OIP5: variants seen among roughly 807,000 people sequenced by gnomAD.
The protein encoded by OIP5 is Opa interacting protein 5, also known as protein Mis18-beta.
In OIP5, 24 loss-of-function variants were observed where a neutral mutation model predicts 20.3. That is an observed-to-expected ratio of 1.18 (90% CI 0.86 to 1.66). The LOEUF is 1.66. Ranked by LOEUF, OIP5 falls within the 40% of genes most tolerant of loss-of-function variation. OIP5 has a pLI of 0.00. For synonymous variants in OIP5, 143 were observed against 121.3 expected, an observed-to-expected ratio of 1.18 and a Z score of -1.17; for missense variants, 339 against 289.5, an observed-to-expected ratio of 1.17 and a Z score of -1.24.
intron 2 of OIP5, among the ~76,000 whole-genome samples, chr15:41,331,364 T>C (rs202149836): frequency 1.3e-5 from 2 of 152,300 alleles, no homozygotes; most frequent in East Asian, 3.9e-4. Context: ...AAACTAACCA[T>C]AATCGCAAAC....
rs113408274 is a variant in OIP5 at position 41,314,635 on chromosome 15, CT to C, written c.513-1282del. ...TGGGCAACATAGCGAAACTCCATCT[CT>C]TTTTTTTTTTTTTGAGACAGAGTCT... On this transcript the variant is annotated intron_variant, in intron 3 of 4. Transcript: ENST00000220514. Among the ~76,000 whole-genome samples, 1,169 of 140,008 alleles carry C rather than the reference CT, an allele frequency of 8.3e-3. 14 individuals carry two copies. Among genetic ancestry groups the C allele is most frequent in the African/African-American group, 0.023 (874 of 38,544 alleles). 91.9% of individuals were successfully genotyped at this position (140,008 alleles called of 152,430 possible).
chr15:41,319,827 T>C, intron 2 of OIP5, 47 bp from the exon 3 acceptor site: 1 of 1,511,904 alleles, frequency 6.6e-7, no homozygotes, highest in African/African-American at 1.4e-5. Flanking sequence ...AAAAATCATA[T>C]AAGAAATAAA....
At chr15:41,330,504 C>G (rs1202998619) in intron 2 of OIP5, among the ~76,000 whole-genome samples, 2 of 151,104 alleles carry the variant, frequency 1.3e-5, no homozygotes, top group African/African-American at 4.9e-5. Flanking sequence ...CCCGGGTTCA[C>G]GCCATTCTCC....
At chr15:41,326,887 G>A (rs1175266216) in intron 2 of OIP5, among the ~76,000 whole-genome samples, 1 of 152,002 alleles carries the variant, frequency 6.6e-6, no homozygotes, top group African/African-American at 2.4e-5. Context: ...TATTATAGGA[G>A]GAAAATACTT....
intron 3 of OIP5, among the ~76,000 whole-genome samples, chr15:41,317,759 A>C (rs1595500204): frequency 6.6e-6 from 1 of 152,192 alleles, no homozygotes; most frequent in East Asian, 1.9e-4. Context: ...GCTCACTGTA[A>C]CCTTGAACTC....
At chr15:41,316,076 C>T (rs974166771) in intron 3 of OIP5, among the ~76,000 whole-genome samples, 1 of 151,736 alleles carries the variant, frequency 6.6e-6, no homozygotes, top group Non-Finnish European at 1.5e-5. Context: ...TGCAGTGAGC[C>T]GAGATGGTGC....
At chr15:41,325,916 C>T (rs1010879682) in intron 2 of OIP5, among the ~76,000 whole-genome samples, 3 of 151,626 alleles carry the variant, frequency 2.0e-5, no homozygotes, top group Non-Finnish European at 4.4e-5. Context: ...AATCCCAGCA[C>T]TCTGGAAGGC....
chr15:41,318,432 G>C (rs1460588647), intron 3 of OIP5, among the ~76,000 whole-genome samples: 2 of 152,060 alleles, frequency 1.3e-5, no homozygotes, highest in Non-Finnish European at 2.9e-5. Flanking sequence ...AAAGTGCTGG[G>C]ATTACAGGCG....
At chr15:41,315,593 C>T (rs529594337) in intron 3 of OIP5, among the ~76,000 whole-genome samples, 12 of 152,246 alleles carry the variant, frequency 7.9e-5, no homozygotes, top group African/African-American at 2.9e-4. Context: ...AAAGTTTCTA[C>T]TTAATCAAAA....
At chr15:41,312,174 T>G (rs1257919296) in intron 4 of OIP5, among the ~76,000 whole-genome samples, 1 of 103,106 alleles carries the variant, frequency 9.7e-6, no homozygotes, top group African/African-American at 2.7e-5. Context: ...CTTTTTTTTT[T>G]TTTTGAGACA....
At chr15:41,313,539 A>C (rs1001245490) in intron 3 of OIP5, among the ~76,000 whole-genome samples, 185 bp from the exon 4 acceptor site, 3 of 152,268 alleles carry the variant, frequency 2.0e-5, no homozygotes, top group African/African-American at 4.8e-5. Context: ...GGATTCAAAC[A>C]ACCACAGACT....
At chr15:41,310,019 G>A (rs1352277472) in intron 4 of OIP5, among the ~76,000 whole-genome samples, 170 bp from the exon 5 acceptor site, 1 of 152,144 alleles carries the variant, frequency 6.6e-6, no homozygotes, top group Non-Finnish European at 1.5e-5. Context: ...CTCCTGATTA[G>A]CTAGGACTAC....
At chr15:41,321,928 T>G (rs28499079) in intron 2 of OIP5, among the ~76,000 whole-genome samples, 1 of 60,862 alleles carries the variant, frequency 1.6e-5, no homozygotes, top group Non-Finnish European at 3.3e-5. Flanking sequence ...AATAAAAAAA[T>G]AAATAAATAA....
chr15:41,311,158 G>A (rs2047751368), intron 4 of OIP5, among the ~76,000 whole-genome samples: 3 of 152,224 alleles, frequency 2.0e-5, no homozygotes, highest in Middle Eastern at 3.4e-3. Context: ...ACCTGAGCTC[G>A]GAAGTTCGAG....
At chr15:41,331,462 T>C (rs371048082) in intron 2 of OIP5, among the ~76,000 whole-genome samples, 2 of 152,172 alleles carry the variant, frequency 1.3e-5, no homozygotes, top group Non-Finnish European at 2.9e-5. Flanking sequence ...TGTGTGCCTG[T>C]AGTCCCAGCT....
intron 2 of OIP5, among the ~76,000 whole-genome samples, chr15:41,327,627 A>T (rs1438563578): frequency 6.6e-6 from 1 of 151,868 alleles, no homozygotes; most frequent in Non-Finnish European, 1.5e-5. Flanking sequence ...GTCTCTACTA[A>T]AATACATAAA....
Position 41,319,681 on chromosome 15 carries a change from G to A in OIP5, c.489C>T (p.Cys163=). The part of the protein sequence containing the change: ...AALAALRGHF[C]LSSDKMVCYL... ...ACCACACCATTTTGTCACTGGAAAG[G>A]CAGAAGTGACCTCTCAAGGCAGCCA... The change falls in exon 3 of 5, where the codon TGC becomes TGT. Residue 163 remains cysteine, a synonymous_variant. Coordinates refer to ENST00000220514, the MANE Select transcript of OIP5 (RefSeq NM_007280.2). 1 of 1,613,638 alleles carries A rather than the reference G, an allele frequency of 6.2e-7. No homozygotes were observed. The highest frequency in any genetic ancestry group is 8.5e-7 in the Non-Finnish European group (1 of 1,179,756).
At position 41,309,791 on chromosome 15, in the gene OIP5, C is replaced by T. The variant is rs143255947; in HGVS notation, c.653G>A (p.Ser218Asn). 3.7e-6 allele frequency: 6 copies of T among 1,613,948 alleles called. No individual in the cohort carries two copies. The African/African-American group carries it at 5.3e-5, about 14-fold the overall frequency. ...NRLKSLMKIL[S>N]EVTPDQSKPE... ...CTTGGACTGGTCAGGAGTCACTTCA[C>T]TCAGAATCTTCATTAGTGATTTTAA... The change falls in exon 5 of 5, where the codon AGT (serine) becomes AAT (asparagine). Residue 218 changes from serine (S) to asparagine (N), a missense_variant. Physicochemically the swap from Ser to Asn is conservative, Grantham distance 46. Coordinates refer to ENST00000220514, the MANE Select transcript of OIP5 (RefSeq NM_007280.2).
At chr15:41,313,455 G>C (rs8032846) in intron 3 of OIP5, 101 bp from the exon 4 acceptor site, 389,123 of 655,310 alleles carry the variant, frequency 0.59, 121,369 homozygotes, top group African/African-American at 0.9. Context: ...AAAAAGCCTG[G>C]CTTCTTAATG....
Sources: allele counts gnomAD v4.1 joint callset (sites outside exome capture counted in the v4.1 genomes callset), GRCh38; gene constraint gnomAD v4.1.1; transcripts MANE v1.5; gene names NCBI Gene and HGNC (gene_info 2026-07-23, HGNC 2026-07-21).